The following CWC22 variants were observed in gnomAD, a reference collection of about 807,000 sequenced individuals.
The protein encoded by CWC22 is pre-mRNA-splicing factor CWC22 homolog.
In CWC22, 53 loss-of-function variants were observed where a neutral mutation model predicts 117.2. The ratio of observed to expected loss-of-function variants is 0.45; its 90% CI spans 0.36 to 0.57. The LOEUF is 0.57. Among genes scored for constraint, CWC22 ranks in the 20% least tolerant of loss-of-function variants. The pLI, the probability that CWC22 is intolerant of heterozygous loss-of-function variation, is 0.00. For synonymous variants in CWC22, 360 were observed against 355.6 expected (o/e 1.01, Z -0.14); for missense variants, 980 against 1,068.8 (o/e 0.92, Z 1.16).
At position 179,944,944 on chromosome 2, in the gene CWC22, A is replaced by G. The variant is rs900800777; in HGVS notation, c.*185T>C. On this transcript the variant is annotated 3_prime_UTR_variant, in exon 20 of 20. Transcript: ENST00000410053. ...CATCCCTTTCTGGTGAAAGTTTTCA[A>G]ATAATTTTATGGGTAGGGCCTTGAG... 5 of 431,190 alleles carry G rather than the reference A, an allele frequency of 1.2e-5. No homozygotes were observed. In the Admixed American group the frequency reaches 1.6e-4, roughly 14 times the overall value. The allele number at this position is 431,190 out of a possible 1,614,324, so 26.7% of individuals were successfully genotyped here. A position where few individuals can be genotyped will look rare whatever the true frequency, so the allele number is the denominator to read the frequency against.
chr2:180,004,256 T>G (rs1430326332), intron 1 of CWC22, among the ~76,000 whole-genome samples: 1 of 152,226 alleles, frequency 6.6e-6, no homozygotes. Flanking sequence ...AAAATATTAT[T>G]CAAGTTAAGG....
intron 13 of CWC22, among the ~76,000 whole-genome samples, chr2:179,959,870 T>A (rs78840502): frequency 2.0e-5 from 3 of 151,958 alleles, no homozygotes; most frequent in African/African-American, 7.2e-5. Context: ...TTTAAAAGGG[T>A]GAGTATCATA....
At chr2:179,951,305 A>ATGTACAC (rs1686442927) in intron 17 of CWC22, among the ~76,000 whole-genome samples, 1 of 152,082 alleles carries the variant, frequency 6.6e-6, no homozygotes, top group Non-Finnish European at 1.5e-5. Flanking sequence ...TCTGTTGTGT[A>ATGTACAC]TGTACACGTA....
intron 14 of CWC22, among the ~76,000 whole-genome samples, chr2:179,955,911 G>A (rs1025069574): frequency 6.6e-6 from 1 of 151,934 alleles, no homozygotes; most frequent in African/African-American, 2.4e-5. Context: ...ATGAAAAAAG[G>A]TGTTAATTCA....
chr2:179,978,404 T>A, intron 5 of CWC22, 86 bp from the exon 6 acceptor site: 1 of 1,287,034 alleles, frequency 7.8e-7, no homozygotes, highest in Non-Finnish European at 9.9e-7. Flanking sequence ...TAGTGCTCCT[T>A]AATTTTTGAC....
intron 19 of CWC22, among the ~76,000 whole-genome samples, chr2:179,950,264 A>T (rs936335238): frequency 5.3e-5 from 8 of 152,158 alleles, no homozygotes; most frequent in African/African-American, 1.9e-4. Context: ...ATCAGTCATC[A>T]CTCAGATAAG....
Position 179,965,914 on chromosome 2 carries a change from C to T in CWC22, c.1279G>A (p.Glu427Lys). 2 of 1,596,698 alleles carry T rather than the reference C, an allele frequency of 1.3e-6. No individual in the cohort carries two copies. The highest frequency in any genetic ancestry group is 1.7e-6 in the Non-Finnish European group (2 of 1,164,442). The change falls in exon 12 of 20, where the codon GAA (glutamate) becomes AAA (lysine). Residue 427 changes from glutamate (E) to lysine (K), a missense_variant. This residue lies in a region of CWC22 where 559 missense variants were observed against 602.3 expected (regional missense o/e 0.93). Coordinates refer to ENST00000410053, the MANE Select transcript of CWC22 (RefSeq NM_020943.3). ...TCTTCTCCCTCTTCCTCTTCTTCTT[C>T]CTCGTCCTCTTCACTACTCCCAGCA... ...QDAGSSEEDE[E>K]EEEEEGEEDE...
intron 3 of CWC22, 40 bp downstream of exon 3, chr2:179,988,537 A>T: frequency 9.3e-7 from 1 of 1,069,680 alleles, no homozygotes; most frequent in Non-Finnish European, 1.4e-6. Context: ...ACCTTACTAT[A>T]AAAATTTACA....
At chr2:179,954,092 C>T in intron 16 of CWC22, 113 bp downstream of exon 16, 1 of 675,718 alleles carries the variant, frequency 1.5e-6, no homozygotes, top group Non-Finnish European at 2.4e-6. Flanking sequence ...CAGTTCTACA[C>T]ATTTCATTTT....
At chr2:179,975,029 C>T (rs1254494326) in intron 6 of CWC22, among the ~76,000 whole-genome samples, 3 of 152,190 alleles carry the variant, frequency 2.0e-5, no homozygotes, top group African/African-American at 7.2e-5. Context: ...GCTAGGATTA[C>T]AGCGACCGTG....
chr2:179,946,250 G>C (rs1686295327), intron 19 of CWC22, among the ~76,000 whole-genome samples: 1 of 151,968 alleles, frequency 6.6e-6, no homozygotes, highest in South Asian at 2.1e-4. Context: ...AGAAGTTGGA[G>C]ACCAGCCTGG....
intron 2 of CWC22, among the ~76,000 whole-genome samples, chr2:179,991,166 G>A (rs1036838766): frequency 2.6e-5 from 4 of 152,186 alleles, no homozygotes; most frequent in Non-Finnish European, 2.9e-5. Flanking sequence ...AGGGAGAGCA[G>A]TACGAGGAGA....
At chr2:179,949,422 TG>T (rs1300873560) in intron 19 of CWC22, among the ~76,000 whole-genome samples, 1 of 152,156 alleles carries the variant, frequency 6.6e-6, no homozygotes, top group East Asian at 1.9e-4. Context: ...ATGGATAAAA[TG>T]GCATTTAACT....
At chr2:179,963,616 A>C (rs1188744297) in intron 13 of CWC22, among the ~76,000 whole-genome samples, 5 of 152,046 alleles carry the variant, frequency 3.3e-5, no homozygotes, top group Admixed American at 3.3e-4. Flanking sequence ...TGCTGGGATT[A>C]CAGGCGTGAG....
At chr2:179,968,517 T>C (rs1191967813) in intron 11 of CWC22, among the ~76,000 whole-genome samples, 1 of 150,740 alleles carries the variant, frequency 6.6e-6, no homozygotes, top group East Asian at 1.9e-4. Flanking sequence ...ATATATATAA[T>C]ACAAAATATA....
chr2:179,962,827 T>C (rs1046532608), intron 13 of CWC22, among the ~76,000 whole-genome samples: 1 of 152,030 alleles, frequency 6.6e-6, no homozygotes, highest in African/African-American at 2.4e-5. Flanking sequence ...CATAAAGAAA[T>C]GATGAATGTT....
chr2:179,970,678 C>T lies in CWC22; in HGVS notation c.1119G>A (p.Glu373=), dbSNP rs748606301. The change falls in exon 10 of 20, where the codon GAG becomes GAA. Residue 373 remains glutamate, a synonymous_variant. Coordinates refer to ENST00000410053, the MANE Select transcript of CWC22 (RefSeq NM_020943.3). The part of the protein sequence containing the change: ...DDQFTHMLPL[E]DDYNPEDVLN... ...GAACATCTTCTGGATTATAGTCATC[C>T]TCCAGAGGGAGCATATGAGTGAATT... 6.2e-7 allele frequency: 1 copy of T among 1,613,496 alleles called. No individual in the cohort carries two copies. Among genetic ancestry groups the T allele is most frequent in the African/African-American group, 1.3e-5 (1 of 75,020 alleles).
chr2:179,968,953 C>A (rs1442565910), intron 11 of CWC22, among the ~76,000 whole-genome samples: 5 of 152,030 alleles, frequency 3.3e-5, no homozygotes, highest in African/African-American at 7.2e-5. Context: ...AATAAATATT[C>A]TTTTATATTG....
At chr2:179,951,268 T>C (rs1575637384) in intron 17 of CWC22, among the ~76,000 whole-genome samples, 8 of 152,142 alleles carry the variant, frequency 5.3e-5, no homozygotes. Context: ...ATAGTGAATA[T>C]ATGTACAAAA....
Sources: gnomAD v4.1 joint callset for allele counts (sites outside exome capture counted in the v4.1 genomes callset) on GRCh38, gnomAD v4.1.1 for gene constraint, gnomAD v4.1.1 regional missense constraint, MANE v1.5 for transcripts, NCBI Gene and HGNC (gene_info 2026-07-23, HGNC 2026-07-21) for gene names.